The following CORO2B variants were observed in gnomAD, a reference collection of about 807,000 sequenced individuals.
CORO2B encodes the protein coronin 2B, also known as coronin-2B.
In CORO2B, 26 loss-of-function variants were observed where a neutral mutation model predicts 58.8. The ratio of observed to expected loss-of-function variants is 0.44; its 90% confidence interval spans 0.32 to 0.61. CORO2B has a LOEUF of 0.61. Ranked by LOEUF, CORO2B falls within the 20% of genes least tolerant of loss-of-function variation. CORO2B has a pLI of 0.04. For missense variants in CORO2B, 460 were observed against 645.1 expected (o/e 0.71, Z 3.11); for synonymous variants, 242 against 253.8 (o/e 0.95, Z 0.44).
intron 2 of CORO2B, among the ~76,000 whole-genome samples, chr15:68,647,794 C>T (rs983427228): frequency 6.0e-5 from 9 of 149,924 alleles, no homozygotes; most frequent in African/African-American, 2.2e-4. Flanking sequence ...GATCACTTAA[C>T]CCCAGGAGTT....
the CORO2B span, among the ~76,000 whole-genome samples, chr15:68,573,886 C>G: frequency 1.3e-5 from 2 of 152,156 alleles, no homozygotes; most frequent in Non-Finnish European, 2.9e-5. Context: ...TGCAGCTAGA[C>G]CATTCCAATC....
intron 1 of CORO2B, chr15:68,632,356 T>C (rs973035413): frequency 1.9e-5 from 19 of 985,426 alleles, no homozygotes; most frequent in Non-Finnish European, 2.3e-5. Flanking sequence ...GTAGCAGTGA[T>C]AAAACGCATT....
At chr15:68,582,535 T>G (rs747662221) in intron 1 of CORO2B, among the ~76,000 whole-genome samples, 2 of 152,240 alleles carry the variant, frequency 1.3e-5, no homozygotes, top group African/African-American at 2.4e-5. Flanking sequence ...TATAATTTTC[T>G]TGTTCTGTTC....
intron 1 of CORO2B, among the ~76,000 whole-genome samples, chr15:68,589,711 G>A (rs909003809): frequency 6.6e-6 from 1 of 152,228 alleles, no homozygotes; most frequent in African/African-American, 2.4e-5. Context: ...TGATTCAAAA[G>A]TGGGGAATGG....
At chr15:68,705,582 G>T (rs1192109071) in intron 3 of CORO2B, among the ~76,000 whole-genome samples, 1 of 152,130 alleles carries the variant, frequency 6.6e-6, no homozygotes, top group South Asian at 2.1e-4. Flanking sequence ...CTCAAGCCCT[G>T]CCTGAGACCC....
chr15:68,643,554 C>T (rs1319126056), intron 1 of CORO2B, among the ~76,000 whole-genome samples: 1 of 152,014 alleles, frequency 6.6e-6, no homozygotes, highest in African/African-American at 2.4e-5. Flanking sequence ...GGAGACTGGC[C>T]CTGTGGGATG....
chr15:68,701,350 C>T (rs1039470697), intron 3 of CORO2B, among the ~76,000 whole-genome samples: 1 of 151,594 alleles, frequency 6.6e-6, no homozygotes, highest in African/African-American at 2.4e-5. Flanking sequence ...CTCGCTCTGT[C>T]GCCCAGTCTG....
chr15:68,673,474 T>C (rs1337517677), intron 2 of CORO2B, among the ~76,000 whole-genome samples: 1 of 152,058 alleles, frequency 6.6e-6, no homozygotes. Flanking sequence ...ACTATGATCA[T>C]GCCACTGTAC....
At chr15:68,666,796 A>G (rs1272495958) in intron 2 of CORO2B, among the ~76,000 whole-genome samples, 1 of 152,130 alleles carries the variant, frequency 6.6e-6, no homozygotes, top group African/African-American at 2.4e-5. Flanking sequence ...CACTATTGCA[A>G]TCACTGCACT....
the CORO2B span, among the ~76,000 whole-genome samples, chr15:68,567,558 C>A: frequency 6.6e-6 from 1 of 152,188 alleles, no homozygotes; most frequent in African/African-American, 2.4e-5. Context: ...GGAGAGGAAC[C>A]CCCTCCCAGA....
intron 2 of CORO2B, among the ~76,000 whole-genome samples, chr15:68,661,277 CA>C (rs1244851771): frequency 6.6e-6 from 1 of 152,198 alleles, no homozygotes; most frequent in African/African-American, 2.4e-5. Flanking sequence ...CGCATCTGGT[CA>C]GTACCATGTG....
intron 2 of CORO2B, among the ~76,000 whole-genome samples, chr15:68,679,812 G>C (rs575359082): frequency 6.4e-4 from 98 of 152,328 alleles, no homozygotes; most frequent in African/African-American, 2.3e-3. Context: ...GGTCATCTCA[G>C]CATGGGGCTG....
chr15:68,556,305 T>G, the CORO2B span, among the ~76,000 whole-genome samples: 1 of 152,120 alleles, frequency 6.6e-6, no homozygotes, highest in Non-Finnish European at 1.5e-5. Context: ...GGAGTGAGTG[T>G]GGCAGGGCTC....
At chr15:68,533,279 A>G in the CORO2B span, among the ~76,000 whole-genome samples, 24 of 152,190 alleles carry the variant, frequency 1.6e-4, no homozygotes, top group Non-Finnish European at 2.9e-5. Context: ...CTAGTTTACT[A>G]TGATGGAAAG....
chr15:68,719,107 C>G lies in CORO2B; in HGVS notation c.1081-37C>G, dbSNP rs375615938. Reference sequence around the variant, plus strand: ...GAAGAGTAGGGGCTTTCCCAGCAGCCCCCCATGTGTCCTCTCTTCTGCTCC... The same window carrying G: ...GAAGAGTAGGGGCTTTCCCAGCAGCGCCCCATGTGTCCTCTCTTCTGCTCC... On this transcript the variant is annotated intron_variant, in intron 9 of 11. Coordinates refer to ENST00000261861, the MANE Select transcript of CORO2B (RefSeq NM_006091.5). 101 of 1,516,212 alleles carry G rather than the reference C, an allele frequency of 6.7e-5. 1 individual carries two copies. The East Asian group carries it at 1.1e-3, about 16-fold the overall frequency. The allele number at this position is 1,516,212 out of a possible 1,614,324, so 93.9% of individuals were successfully genotyped here.
chr15:68,696,557 CAA>C (rs3985628), intron 3 of CORO2B, among the ~76,000 whole-genome samples: 1 of 110,042 alleles, frequency 9.1e-6, no homozygotes, highest in Non-Finnish European at 1.8e-5. Context: ...GACTCTGCCT[CAA>C]AAAAAAAAAA....
chr15:68,632,739 C>T (rs2201115), intron 1 of CORO2B, among the ~76,000 whole-genome samples: 58,121 of 152,012 alleles, frequency 0.38, 12,671 homozygotes, highest in African/African-American at 0.6. Context: ...TATAGGTGCG[C>T]GCTAGCACGC....
At chr15:68,545,794 A>T in the CORO2B span, among the ~76,000 whole-genome samples, 1 of 152,068 alleles carries the variant, frequency 6.6e-6, no homozygotes, top group Non-Finnish European at 1.5e-5. Context: ...GGCTGGGGGT[A>T]CCCCGGGGAT....
the CORO2B span, among the ~76,000 whole-genome samples, chr15:68,545,605 C>T: frequency 5.8e-5 from 4 of 68,864 alleles, no homozygotes; most frequent in Admixed American, 5.2e-4. Context: ...AACAGGAATG[C>T]GGGGGGCGGG....
Sources: allele counts gnomAD v4.1 joint callset (sites outside exome capture counted in the v4.1 genomes callset), GRCh38; gene constraint gnomAD v4.1.1; transcripts MANE v1.5; gene names NCBI Gene and HGNC (gene_info 2026-07-23, HGNC 2026-07-21).